Variants in PCGF3 observed in about 807,000 individuals in gnomAD.
PCGF3 encodes polycomb group ring finger 3, also known as polycomb group RING finger protein 3.
PCGF3 carries 7 observed loss-of-function variants against 33.1 expected under a neutral mutation model. The observed-to-expected ratio is 0.21, with a 90% confidence interval of 0.12 to 0.40. The LOEUF is 0.40. Ranked by LOEUF, PCGF3 falls within the 10% of genes least tolerant of loss-of-function variation. PCGF3 has a pLI of 1.00. For synonymous variants in PCGF3, 153 were observed against 121.3 expected (o/e 1.26, Z -1.72); for missense variants, 211 against 313.3 (o/e 0.67, Z 2.46).
intron 8 of PCGF3, among the ~76,000 whole-genome samples, chr4:754,655 G>A (rs1419319904): frequency 1.3e-5 from 2 of 152,220 alleles, no homozygotes; most frequent in East Asian, 1.9e-4. Flanking sequence ...GACCTTGGGG[G>A]CCTGTGGCGA....
At chr4:734,331 T>G in intron 4 of PCGF3, 1 of 1,442,626 alleles carries the variant, frequency 6.9e-7, no homozygotes, top group Non-Finnish European at 9.1e-7. Context: ...GCGGCCCTGC[T>G]GGTGTGGACG....
intron 8 of PCGF3, among the ~76,000 whole-genome samples, chr4:758,112 G>A (rs1744853152): frequency 6.9e-6 from 1 of 144,000 alleles, no homozygotes; most frequent in Non-Finnish European, 1.5e-5. Flanking sequence ...AGGTTGCAGT[G>A]AGCCGAGATC....
intron 1 of PCGF3, among the ~76,000 whole-genome samples, chr4:724,746 C>T (rs1000523521): frequency 2.6e-5 from 4 of 151,942 alleles, no homozygotes; most frequent in Admixed American, 6.6e-5. Flanking sequence ...TGCAGTGAGC[C>T]GAGATCACGC....
chr4:762,925 C>T (rs150203285), intron 9 of PCGF3: 5,244 of 152,346 alleles, frequency 0.034, 119 homozygotes, highest in Non-Finnish European at 0.05. Flanking sequence ...GACTGCAGGC[C>T]TGGGGCTGCT....
chr4:735,893 C>T (rs1292297887), intron 5 of PCGF3, among the ~76,000 whole-genome samples: 1 of 152,282 alleles, frequency 6.6e-6, no homozygotes, highest in South Asian at 2.1e-4. Context: ...GGTTCTCACA[C>T]AGATTTGGGA....
At chr4:727,894 G>A (rs564963682) in intron 1 of PCGF3, among the ~76,000 whole-genome samples, 282 of 152,326 alleles carry the variant, frequency 1.9e-3, no homozygotes, top group Non-Finnish European at 3.3e-3. Context: ...AGAAGAGTAT[G>A]AGACTGAATT....
At chr4:763,460 A>T (rs1052223889) in intron 9 of PCGF3, among the ~76,000 whole-genome samples, 7 of 152,186 alleles carry the variant, frequency 4.6e-5, no homozygotes, top group African/African-American at 1.7e-4. Flanking sequence ...GCTTCAATTC[A>T]TGCCTTCCCC....
intron 8 of PCGF3, among the ~76,000 whole-genome samples, chr4:753,016 T>C (rs149899086): frequency 6.6e-6 from 1 of 152,348 alleles, no homozygotes; most frequent in East Asian, 1.9e-4. Context: ...ATTAGCTCCA[T>C]TACCTGGATA....
At chr4:734,198 G>T (rs1366788701) in intron 4 of PCGF3, 1 of 1,532,600 alleles carries the variant, frequency 6.5e-7, no homozygotes, top group Non-Finnish European at 8.8e-7. Context: ...GTGCTTTGGT[G>T]TTAGAGGACT....
intron 7 of PCGF3, 71 bp downstream of exon 7, chr4:743,655 C>A: frequency 2.3e-6 from 2 of 866,424 alleles, no homozygotes; most frequent in Non-Finnish European, 1.9e-6. Context: ...AAAGAGCTGG[C>A]GCTGTCTGCC....
At chr4:752,480 C>T (rs560045825) in intron 8 of PCGF3, among the ~76,000 whole-genome samples, 10 of 152,330 alleles carry the variant, frequency 6.6e-5, no homozygotes, top group South Asian at 2.1e-4. Flanking sequence ...ACAGCTGTTC[C>T]GCTCTTTTCC....
rs536731478 is a variant in PCGF3 at position 721,975 on chromosome 4, T to C, written c.-189-8655T>C. On this transcript the variant is annotated intron_variant, in intron 1 of 10. Transcript: ENST00000362003. The surrounding 1 kb of genome is among the most constrained non-coding windows in gnomAD (Gnocchi z 4.1). The stretch of plus-strand genomic sequence containing the variant: ...TGGGGAGAGGCCTGTGGGAGGTGGA[T>C]GGGTTGGGTGGCTCTGTGTGTGGGC... Among the ~76,000 whole-genome samples the C allele has an allele frequency of 2.7e-5, 4 of 149,694 alleles. 1 individual carries two copies. In the South Asian group the frequency reaches 8.6e-4, roughly 32 times the overall value.
At chr4:719,538 C>G (rs564126995) in intron 1 of PCGF3, among the ~76,000 whole-genome samples, 1 of 152,218 alleles carries the variant, frequency 6.6e-6, no homozygotes, top group African/African-American at 2.4e-5. Flanking sequence ...CGCGGGTTGG[C>G]GAGGGAGCTG....
intron 6 of PCGF3, among the ~76,000 whole-genome samples, chr4:742,539 C>G (rs1354240921): frequency 6.6e-6 from 1 of 152,186 alleles, no homozygotes; most frequent in Non-Finnish European, 1.5e-5. Context: ...CTGTGTGTTC[C>G]CGAGCAGTGA....
exon 11 of PCGF3, chr4:767,000 GGGGA>G (rs1390392920): frequency 1.3e-5 from 2 of 152,398 alleles, no homozygotes; most frequent in African/African-American, 2.4e-5. Flanking sequence ...TGGCATCCGT[GGGGA>G]GGATTTGCTG....
At chr4:727,326 C>T (rs746984890) in intron 1 of PCGF3, among the ~76,000 whole-genome samples, 2 of 145,870 alleles carry the variant, frequency 1.4e-5, no homozygotes, top group Non-Finnish European at 3.0e-5. Flanking sequence ...CTGCAACCTC[C>T]GCCTCCCGGG....
chr4:739,954 A>G (rs569113274), intron 6 of PCGF3, among the ~76,000 whole-genome samples: 106 of 152,242 alleles, frequency 7.0e-4, no homozygotes, highest in African/African-American at 2.5e-3. Context: ...CGTTGAGTCA[A>G]TATTCTTTTT....
chr4:752,318 T>G (rs948493578), intron 8 of PCGF3, among the ~76,000 whole-genome samples: 2 of 152,240 alleles, frequency 1.3e-5, no homozygotes, highest in East Asian at 1.9e-4. Context: ...AGAAGCCTCT[T>G]GGTTAGCCTC....
chr4:718,528 A>G (rs367709163), intron 1 of PCGF3, among the ~76,000 whole-genome samples: 1 of 152,264 alleles, frequency 6.6e-6, no homozygotes, highest in Non-Finnish European at 1.5e-5. Context: ...AATCCCAGCT[A>G]CTGAGAAATG....
Sources: allele counts gnomAD v4.1 joint callset (sites outside exome capture counted in the v4.1 genomes callset), GRCh38; gene constraint gnomAD v4.1.1; non-coding constraint Gnocchi (gnomAD v3.1); transcripts MANE v1.5; gene names NCBI Gene and HGNC (gene_info 2026-07-23, HGNC 2026-07-21).